The following TSPAN11 variants were observed in gnomAD, a reference collection of about 807,000 sequenced individuals.
TSPAN11 encodes tetraspanin 11, also known as tetraspanin-11.
In TSPAN11, 29 loss-of-function variants were observed where a neutral mutation model predicts 32.9. The observed-to-expected ratio is 0.88, with a 90% CI of 0.66 to 1.20. The LOEUF (loss-of-function observed/expected upper bound fraction) is 1.20. Among genes scored for constraint, TSPAN11 ranks in the 50% most tolerant of loss-of-function variants. The pLI is 0.00. For synonymous variants in TSPAN11, 140 were observed against 141.3 expected (o/e 0.99, Z 0.07); for missense variants, 283 against 329.1 (o/e 0.86, Z 1.08).
chr12:30,973,190 G>T (rs1938888660), intron 3 of TSPAN11, among the ~76,000 whole-genome samples: 1 of 152,170 alleles, frequency 6.6e-6, no homozygotes, highest in Admixed American at 6.5e-5. Context: ...CCACGTACTT[G>T]CTATGTGACC....
intron 5 of TSPAN11, among the ~76,000 whole-genome samples, chr12:30,982,012 T>C (rs908153484): frequency 3.3e-5 from 5 of 152,176 alleles, no homozygotes; most frequent in Admixed American, 6.5e-5. Context: ...TTAGCACTCA[T>C]GACAGCCCCT....
the TSPAN11 span, among the ~76,000 whole-genome samples, chr12:31,003,725 G>A: frequency 6.6e-6 from 1 of 152,088 alleles, no homozygotes; most frequent in Non-Finnish European, 1.5e-5. Flanking sequence ...GCACTTTGGG[G>A]TTCCCGGGGA....
intron 1 of TSPAN11, among the ~76,000 whole-genome samples, chr12:30,928,107 A>C (rs773389894): frequency 6.6e-6 from 1 of 151,878 alleles, no homozygotes; most frequent in Non-Finnish European, 1.5e-5. Flanking sequence ...TTTTATACCC[A>C]CCTTTGGACT....
At chr12:30,967,171 A>C (rs909550721) in intron 3 of TSPAN11, among the ~76,000 whole-genome samples, 1 of 152,176 alleles carries the variant, frequency 6.6e-6, no homozygotes. Flanking sequence ...CCCATTCCAC[A>C]CTTCCTCTTA....
In TSPAN11 at chr12:30,996,175, G is replaced by A. The variant is rs1327654074; in HGVS notation, c.*4260G>A. On this transcript the variant is annotated 3_prime_UTR_variant, in exon 8 of 8. Transcript: ENST00000546076. ...TTGGATCGCCTGTGATCTTGGCCAGGAGACCAGGTGCCTGGGTCCCTTCCT... is the reference window on the plus strand; with the variant it reads ...TTGGATCGCCTGTGATCTTGGCCAGAAGACCAGGTGCCTGGGTCCCTTCCT... 1.3e-5 allele frequency: 2 copies of A among 152,236 alleles called. No individual in the cohort carries two copies. Among genetic ancestry groups the A allele is most frequent in the Non-Finnish European group, 1.5e-5 (1 of 68,066 alleles). The allele number at this position is 152,236 out of a possible 1,614,324, so 9.4% of individuals were successfully genotyped here.
At chr12:30,935,126 C>T (rs1344946221) in intron 1 of TSPAN11, among the ~76,000 whole-genome samples, 4 of 152,172 alleles carry the variant, frequency 2.6e-5, no homozygotes, top group Admixed American at 6.5e-5. Context: ...TGCCAAGCAC[C>T]GGTCTTCCCT....
chr12:30,977,014 C>G (rs1189444550), intron 3 of TSPAN11, among the ~76,000 whole-genome samples: 1 of 152,228 alleles, frequency 6.6e-6, no homozygotes, highest in Admixed American at 6.5e-5. Context: ...CACTGTTATT[C>G]TGAGACTGGA....
chr12:30,933,502 G>A (rs944947150), intron 1 of TSPAN11, among the ~76,000 whole-genome samples: 4 of 152,106 alleles, frequency 2.6e-5, no homozygotes, highest in Admixed American at 2.0e-4. Context: ...CTTCCTCTCA[G>A]CACTGGGGAT....
the TSPAN11 span, among the ~76,000 whole-genome samples, chr12:31,006,221 A>G: frequency 1.3e-4 from 20 of 152,316 alleles, no homozygotes; most frequent in Admixed American, 5.2e-4. Context: ...AGGAGAATCT[A>G]GGGCGAGGCA....
the TSPAN11 span, among the ~76,000 whole-genome samples, chr12:31,012,992 A>T: frequency 6.6e-6 from 1 of 152,214 alleles, no homozygotes; most frequent in Non-Finnish European, 1.5e-5. Flanking sequence ...ACGTGAGAGG[A>T]TTGTACAGAC....
the TSPAN11 span, among the ~76,000 whole-genome samples, chr12:31,014,197 A>G: frequency 6.6e-6 from 1 of 152,208 alleles, no homozygotes; most frequent in Non-Finnish European, 1.5e-5. Flanking sequence ...ATCAAAATCA[A>G]TCGTAACATT....
intron 3 of TSPAN11, among the ~76,000 whole-genome samples, chr12:30,974,717 G>C (rs1938925031): frequency 1.3e-5 from 2 of 152,212 alleles, no homozygotes; most frequent in Admixed American, 1.3e-4. Context: ...TCATGCTAGG[G>C]GACAGAGTGG....
rs763197852 is a variant in TSPAN11, at chr12:30,963,944, G to C, written c.203G>C (p.Gly68Ala). Residue 68 changes from glycine to alanine, a missense_variant, in exon 3 of 8, where the codon GGC becomes GCC. Transcript: ENST00000546076. ...AASAYILIFA[G>A]VLVMVTGFLG... The stretch of plus-strand genomic sequence containing the variant: ...TCCGCCTACATCCTCATCTTTGCGG[G>C]CGTACTTGTCATGGTGACCGGCTTC... 1.9e-6 allele frequency: 3 copies of C among 1,614,072 alleles called. No individual in the cohort carries two copies. Among genetic ancestry groups the C allele is most frequent in the Non-Finnish European group, 2.5e-6 (3 of 1,180,030 alleles).
At chr12:30,988,226 C>G (rs1341003929) in intron 7 of TSPAN11, among the ~76,000 whole-genome samples, 3 of 152,230 alleles carry the variant, frequency 2.0e-5, no homozygotes, top group Non-Finnish European at 4.4e-5. Flanking sequence ...GACTCTTCCA[C>G]CTGGAAAGGC....
rs189231523 is a variant in TSPAN11 at position 30,994,364 on chromosome 12, G to A, written c.*2449G>A. On this transcript the variant is annotated 3_prime_UTR_variant, in exon 8 of 8. Coordinates refer to ENST00000546076, the MANE Select transcript of TSPAN11 (RefSeq NM_001370302.1). Reference sequence around the variant, plus strand: ...CTTGGAGAGAGAGGACACGCCTGTGGAATGTCACCTTCAGTCCCGTGCAGG... The same window carrying A: ...CTTGGAGAGAGAGGACACGCCTGTGAAATGTCACCTTCAGTCCCGTGCAGG... The A allele has an allele frequency of 6.6e-6, 1 of 152,338 alleles. No homozygotes were observed. Among genetic ancestry groups the A allele is most frequent in the East Asian group, 1.9e-4 (1 of 5,154 alleles). 9.4% of individuals were successfully genotyped at this position (152,338 alleles called of 1,614,324 possible).
At chr12:31,000,233 C>A (rs906051032), downstream of TSPAN11, among the ~76,000 whole-genome samples, 2 of 152,200 alleles carry the variant, frequency 1.3e-5, no homozygotes, top group Non-Finnish European at 2.9e-5. Context: ...TAACCCAGAG[C>A]AAACTGAGGC....
intron 1 of TSPAN11, among the ~76,000 whole-genome samples, chr12:30,946,103 G>A (rs1333223754): frequency 6.6e-6 from 1 of 152,148 alleles, no homozygotes; most frequent in Admixed American, 6.5e-5. Context: ...AACTGAAAGG[G>A]GCCTTGAAGA....
At chr12:30,933,153 CCAACCAA>C (rs1937968098) in intron 1 of TSPAN11, among the ~76,000 whole-genome samples, 1 of 152,168 alleles carries the variant, frequency 6.6e-6, no homozygotes, top group South Asian at 2.1e-4. Flanking sequence ...AGCTGCACAT[CCAACCAA>C]CACTGACTGA....
chr12:30,976,213 G>A (rs1458460733), intron 3 of TSPAN11, among the ~76,000 whole-genome samples: 1 of 152,158 alleles, frequency 6.6e-6, no homozygotes, highest in Non-Finnish European at 1.5e-5. Flanking sequence ...CATGCTGTGG[G>A]ACCTGGAGCT....
Sources: gnomAD v4.1 joint callset for allele counts (sites outside exome capture counted in the v4.1 genomes callset) on GRCh38, gnomAD v4.1.1 for gene constraint, MANE v1.5 for transcripts, NCBI Gene and HGNC (gene_info 2026-07-23, HGNC 2026-07-21) for gene names.